Variants in LRP1B observed in about 807,000 individuals in gnomAD.
LRP1B encodes low-density lipoprotein receptor-related protein 1B.
Under a neutral mutation model 556.6 loss-of-function variants are expected in LRP1B, and 217 were observed. The observed-to-expected ratio is 0.39, with a 90% CI of 0.35 to 0.44. The LOEUF is 0.44. Among genes scored for constraint, LRP1B ranks in the 20% least tolerant of loss-of-function variants. The pLI is 1.00. For synonymous variants in LRP1B, 2,047 were observed against 1,865.8 expected (o/e 1.10, Z -2.50); for missense variants, 5,053 against 5,620.8 (o/e 0.90, Z 3.23).
intron 1 of LRP1B, among the ~76,000 whole-genome samples, chr2:141,829,417 G>C (rs933462132): frequency 1.2e-4 from 19 of 152,034 alleles, no homozygotes; most frequent in African/African-American, 4.6e-4. Flanking sequence ...AAATTCTGCT[G>C]CTCCTATTCT....
intron 7 of LRP1B, among the ~76,000 whole-genome samples, chr2:141,184,705 C>G (rs1189475528): frequency 6.6e-6 from 1 of 150,934 alleles, no homozygotes; most frequent in Non-Finnish European, 1.5e-5. Context: ...TTTCTCTTAT[C>G]AATATGTCTT....
intron 11 of LRP1B, among the ~76,000 whole-genome samples, chr2:141,041,942 G>C (rs1028136491): frequency 3.3e-5 from 5 of 151,896 alleles, no homozygotes; most frequent in African/African-American, 1.2e-4. Context: ...AATCACACTG[G>C]CAAGTCCCCT....
At chr2:141,637,978 A>G (rs1232759570) in intron 2 of LRP1B, among the ~76,000 whole-genome samples, 1 of 152,152 alleles carries the variant, frequency 6.6e-6, no homozygotes, top group Non-Finnish European at 1.5e-5. Flanking sequence ...GGGCAGGTGG[A>G]TCACTTGAGT....
At chr2:141,203,200 A>AAATGTAAAC (rs997596910) in intron 6 of LRP1B, among the ~76,000 whole-genome samples, 4 of 152,142 alleles carry the variant, frequency 2.6e-5, no homozygotes, top group African/African-American at 9.7e-5. Flanking sequence ...TATTAACCTT[A>AAATGTAAAC]AATGTAAACA....
chr2:141,432,657 C>G (rs1478167021), intron 3 of LRP1B, among the ~76,000 whole-genome samples: 2 of 151,868 alleles, frequency 1.3e-5, no homozygotes, highest in African/African-American at 4.8e-5. Flanking sequence ...TAACCTCTGT[C>G]TATTAATTTG....
intron 77 of LRP1B, among the ~76,000 whole-genome samples, chr2:140,349,442 C>T (rs1325625626): frequency 1.3e-5 from 2 of 151,844 alleles, no homozygotes; most frequent in African/African-American, 4.8e-5. Context: ...CTAAATAATA[C>T]TTCCTATGTA....
intron 2 of LRP1B, among the ~76,000 whole-genome samples, chr2:141,599,521 G>A (rs1216461740): frequency 1.3e-5 from 2 of 151,780 alleles, no homozygotes; most frequent in South Asian, 4.2e-4. Flanking sequence ...AAAACTTTAG[G>A]GTAACCATGG....
intron 2 of LRP1B, among the ~76,000 whole-genome samples, chr2:141,736,101 A>G (rs1481222515): frequency 3.9e-5 from 6 of 152,150 alleles, no homozygotes; most frequent in Admixed American, 3.9e-4. Context: ...GGTTGTTCCC[A>G]GAAAGAATAG....
At chr2:141,523,127 C>T (rs766348796) in intron 2 of LRP1B, among the ~76,000 whole-genome samples, 3 of 151,778 alleles carry the variant, frequency 2.0e-5, no homozygotes, top group Non-Finnish European at 4.4e-5. Flanking sequence ...TATTTTAAAA[C>T]ATCATGATGT....
chr2:140,653,612 A>G (rs1684765863), intron 41 of LRP1B, among the ~76,000 whole-genome samples: 1 of 152,134 alleles, frequency 6.6e-6, no homozygotes, highest in Non-Finnish European at 1.5e-5. Flanking sequence ...AAGTTTTTTC[A>G]TATTTAAAAG....
chr2:140,498,702 A>G (rs1689052122), intron 55 of LRP1B, among the ~76,000 whole-genome samples: 1 of 151,880 alleles, frequency 6.6e-6, no homozygotes, highest in Non-Finnish European at 1.5e-5. Flanking sequence ...GCAACGTGGT[A>G]GAAGCATCTT....
Position 141,723,260 on chromosome 2 carries a change from T to C in LRP1B, c.205+87019A>G, listed in dbSNP as rs550866817. The stretch of plus-strand genomic sequence containing the variant: ...CATAGGCTTTCTCATATTGTTTCTT[T>C]TGTTTTTTTCACTGTGAACTCCCAT... On this transcript the variant is annotated intron_variant, in intron 2 of 90. Coordinates refer to ENST00000389484, the MANE Select transcript of LRP1B (RefSeq NM_018557.3). Among the ~76,000 whole-genome samples the C allele has an allele frequency of 1.7e-4, 25 of 146,720 alleles. No individual in the cohort carries two copies. In the South Asian group the frequency reaches 5.5e-3, roughly 33 times the overall value.
chr2:142,079,338 T>G (rs1312886090), intron 1 of LRP1B, among the ~76,000 whole-genome samples: 1 of 152,074 alleles, frequency 6.6e-6, no homozygotes, highest in Non-Finnish European at 1.5e-5. Context: ...AATGGAAATA[T>G]CTAAATACTT....
At chr2:141,884,371 TGTCTA>T (rs1359743217) in intron 1 of LRP1B, among the ~76,000 whole-genome samples, 1 of 152,126 alleles carries the variant, frequency 6.6e-6, no homozygotes, top group Non-Finnish European at 1.5e-5. Flanking sequence ...AAAGATCCTG[TGTCTA>T]AAAAGAAAAA....
In LRP1B at chr2:140,487,647, A is replaced by T. The variant is rs1558916745; in HGVS notation, c.9213T>A (p.Asn3071Lys). The change falls in exon 58 of 91, where the codon AAT becomes AAA. Residue 3071 changes from asparagine to lysine, a missense_variant. Physicochemically the swap from Asn to Lys is moderately conservative, Grantham distance 94. Coordinates refer to ENST00000389484, the MANE Select transcript of LRP1B (RefSeq NM_018557.3). Reference protein sequence around the residue: ...DSSRPNGSRINRMCLNGSDIK... With the variant: ...DSSRPNGSRIKRMCLNGSDIK... Reference sequence around the variant, plus strand: ...TGTCACTTCCATTTAAACACATTCTATTTATGCGACTGCCATTGGGTCGGC... The same window carrying T: ...TGTCACTTCCATTTAAACACATTCTTTTTATGCGACTGCCATTGGGTCGGC... 6.2e-7 allele frequency: 1 copy of T among 1,608,962 alleles called. No homozygotes were observed.
At chr2:140,445,030 C>T (rs1425964269) in intron 63 of LRP1B, among the ~76,000 whole-genome samples, 1 of 151,842 alleles carries the variant, frequency 6.6e-6, no homozygotes, top group East Asian at 1.9e-4. Context: ...ACTGTTATTC[C>T]AATATCATCT....
At chr2:141,159,536 G>T (rs1483834186) in intron 7 of LRP1B, among the ~76,000 whole-genome samples, 3 of 151,990 alleles carry the variant, frequency 2.0e-5, no homozygotes, top group Non-Finnish European at 4.4e-5. Flanking sequence ...CCAGCTCAGG[G>T]CCGTAGTTGA....
Position 141,660,559 on chromosome 2 carries a change from T to C in LRP1B, c.205+149720A>G, listed in dbSNP as rs114615070. On this transcript the variant is annotated intron_variant, in intron 2 of 90. Coordinates refer to ENST00000389484, the MANE Select transcript of LRP1B (RefSeq NM_018557.3). ...GGTGTACCACAGCAGCTGTGGCAGA[T>C]TGTGGCCAGACTACCTCTTTAGTCT... Among the ~76,000 whole-genome samples, 577 of 152,078 alleles carry C rather than the reference T, an allele frequency of 3.8e-3. 1 individual carries two copies. The highest frequency in any genetic ancestry group is 0.013 in the African/African-American group (534 of 41,510).
intron 21 of LRP1B, among the ~76,000 whole-genome samples, chr2:140,919,428 C>T (rs1035032403): frequency 6.6e-6 from 1 of 152,132 alleles, no homozygotes; most frequent in Non-Finnish European, 1.5e-5. Flanking sequence ...AGGCACATGA[C>T]TTCATTCAAG....
Sources: gnomAD v4.1 joint callset for allele counts (sites outside exome capture counted in the v4.1 genomes callset) on GRCh38, gnomAD v4.1.1 for gene constraint, MANE v1.5 for transcripts, NCBI Gene and HGNC (gene_info 2026-07-23, HGNC 2026-07-21) for gene names.